Variants in KRCC1 observed in about 807,000 individuals in gnomAD.
KRCC1 encodes the protein lysine-rich coiled-coil protein 1.
In KRCC1, 3 loss-of-function variants were observed where a neutral mutation model predicts 7.4. The ratio of observed to expected loss-of-function variants is 0.40; its 90% CI spans 0.18 to 1.04. The LOEUF (loss-of-function observed/expected upper bound fraction) is 1.04. KRCC1 is among the 50% of genes least tolerant of loss of function. KRCC1 has a pLI of 0.33. For synonymous variants in KRCC1, 102 were observed against 101.6 expected (o/e 1.00, Z -0.02); for missense variants, 277 against 300.9 (o/e 0.92, Z 0.59).
chr2:88,037,974 A>G (rs765567398), intron 1 of KRCC1, among the ~76,000 whole-genome samples: 87 of 152,366 alleles, frequency 5.7e-4, no homozygotes, highest in Non-Finnish European at 9.7e-4. Context: ...CAGTTTATAC[A>G]TAGGGTGCCA....
chr2:88,047,702 G>C (rs1673369803), intron 1 of KRCC1, among the ~76,000 whole-genome samples: 1 of 151,302 alleles, frequency 6.6e-6, no homozygotes, highest in South Asian at 2.1e-4. Flanking sequence ...CTAATTGTTT[G>C]TATTTTTAGT....
chr2:88,042,562 C>A (rs1015155481), intron 1 of KRCC1, among the ~76,000 whole-genome samples: 1 of 152,108 alleles, frequency 6.6e-6, no homozygotes, highest in Non-Finnish European at 1.5e-5. Context: ...GGACTATAGG[C>A]ATGTGCTAGC....
chr2:88,054,480 G>A (rs908107299), intron 1 of KRCC1, among the ~76,000 whole-genome samples: 1 of 152,044 alleles, frequency 6.6e-6, no homozygotes, highest in Non-Finnish European at 1.5e-5. Context: ...GAAAGCCATC[G>A]CTCTGAAATG....
At chr2:88,051,900 G>A (rs540304374) in intron 1 of KRCC1, among the ~76,000 whole-genome samples, 8 of 152,344 alleles carry the variant, frequency 5.3e-5, no homozygotes, top group East Asian at 1.9e-4. Flanking sequence ...CTTCAACCTC[G>A]ACACTTCTGG....
chr2:88,049,932 T>C (rs1005187253), intron 1 of KRCC1, among the ~76,000 whole-genome samples: 1 of 152,260 alleles, frequency 6.6e-6, no homozygotes, highest in African/African-American at 2.4e-5. Flanking sequence ...CACATATTTA[T>C]GCAAAACAAT....
chr2:88,053,592 C>T (rs1178136507), intron 1 of KRCC1, among the ~76,000 whole-genome samples: 1 of 152,174 alleles, frequency 6.6e-6, no homozygotes, highest in Non-Finnish European at 1.5e-5. Context: ...TCTTCCAAAA[C>T]TGCCTTCACT....
intron 3 of KRCC1, among the ~76,000 whole-genome samples, chr2:88,032,959 T>C (rs1673023422): frequency 6.6e-6 from 1 of 152,112 alleles, no homozygotes; most frequent in East Asian, 1.9e-4. Flanking sequence ...TAAAAAGTCA[T>C]AGAAGTCTGA....
At chr2:88,033,498 C>T (rs1301250210) in intron 3 of KRCC1, among the ~76,000 whole-genome samples, 1 of 152,034 alleles carries the variant, frequency 6.6e-6, no homozygotes, top group Non-Finnish European at 1.5e-5. Flanking sequence ...TGCACTCCAG[C>T]CTGGGTGACA....
In KRCC1 at chr2:88,028,140, A is replaced by G. The variant is rs200526441; in HGVS notation, c.424T>C (p.Ser142Pro). The change falls in exon 4 of 4, where the codon TCA (serine) becomes CCA (proline). Residue 142 changes from serine to proline, a missense_variant. Coordinates refer to ENST00000347055, the MANE Select transcript of KRCC1 (RefSeq NM_016618.3). ...VEHRVYKHFSSDNSTSTHQAS... is the reference protein window; with the variant it reads ...VEHRVYKHFSPDNSTSTHQAS... Reference sequence around the variant, plus strand: ...TGATGAGTACTGGTACTGTTATCTGAGGAGAAGTGCTTGTAAACTCTATGT... The same window carrying G: ...TGATGAGTACTGGTACTGTTATCTGGGGAGAAGTGCTTGTAAACTCTATGT... 3.7e-5 allele frequency: 59 copies of G among 1,613,886 alleles called. No homozygotes were observed. In the Admixed American group the frequency reaches 9.5e-4, roughly 26 times the overall value.
intron 1 of KRCC1, among the ~76,000 whole-genome samples, chr2:88,045,695 T>C (rs986757060): frequency 7.2e-5 from 11 of 152,142 alleles, no homozygotes; most frequent in African/African-American, 2.4e-4. Context: ...TGTACTTTTT[T>C]TTTTTTGAGA....
chr2:88,051,579 T>C (rs1468223095), intron 1 of KRCC1, among the ~76,000 whole-genome samples: 1 of 152,238 alleles, frequency 6.6e-6, no homozygotes, highest in African/African-American at 2.4e-5. Flanking sequence ...AATTGTCAAG[T>C]GGCAGTAACT....
chr2:88,045,844 C>T (rs6547749), intron 1 of KRCC1, among the ~76,000 whole-genome samples: 137,642 of 151,714 alleles, frequency 0.91, 62,772 homozygotes, highest in East Asian at 1. Flanking sequence ...ACATCATGCC[C>T]AATTTTTGTA....
chr2:88,050,130 A>T (rs746027894), intron 1 of KRCC1, among the ~76,000 whole-genome samples: 32 of 152,374 alleles, frequency 2.1e-4, no homozygotes, highest in Non-Finnish European at 2.9e-4. Context: ...CAGGAACTCA[A>T]AAATGTTTTC....
intron 1 of KRCC1, among the ~76,000 whole-genome samples, chr2:88,055,366 C>G (rs901902913): frequency 6.6e-6 from 1 of 152,082 alleles, no homozygotes; most frequent in Non-Finnish European, 1.5e-5. Flanking sequence ...TCCTCTTGGT[C>G]GCCCCTAGTT....
At chr2:88,039,308 G>C (rs1673155850) in intron 1 of KRCC1, among the ~76,000 whole-genome samples, 1 of 152,058 alleles carries the variant, frequency 6.6e-6, no homozygotes, top group Admixed American at 6.6e-5. Flanking sequence ...CCAGTGTATG[G>C]GTTAAAAAGA....
intron 3 of KRCC1, among the ~76,000 whole-genome samples, chr2:88,033,560 T>C (rs948725007): frequency 3.3e-5 from 5 of 152,210 alleles, no homozygotes; most frequent in African/African-American, 1.2e-4. Flanking sequence ...TTAAAAGATG[T>C]TGATAATTGT....
chr2:88,054,764 A>T (rs1400356186), intron 1 of KRCC1, among the ~76,000 whole-genome samples: 1 of 152,192 alleles, frequency 6.6e-6, no homozygotes, highest in Non-Finnish European at 1.5e-5. Flanking sequence ...ATCCTTTTTC[A>T]ACGCTTTAAC....
At chr2:88,036,805 A>G (rs888477110) in intron 2 of KRCC1, 138 bp downstream of exon 2, 1 of 152,222 alleles carries the variant, frequency 6.6e-6, no homozygotes, top group African/African-American at 2.4e-5. Flanking sequence ...TAAGTCAGGA[A>G]GTTATTTCCC....
At chr2:88,030,099 C>T (rs998112384) in intron 3 of KRCC1, among the ~76,000 whole-genome samples, 3 of 150,830 alleles carry the variant, frequency 2.0e-5, no homozygotes, top group African/African-American at 4.9e-5. Context: ...CTGCCTGCCT[C>T]GGCCTCCCAA....
Sources: gnomAD v4.1 joint callset for allele counts (sites outside exome capture counted in the v4.1 genomes callset) on GRCh38, gnomAD v4.1.1 for gene constraint, MANE v1.5 for transcripts, NCBI Gene and HGNC (gene_info 2026-07-23, HGNC 2026-07-21) for gene names.